Variants in BSPRY observed in about 807,000 individuals in gnomAD.
BSPRY encodes B box and SPRY domain-containing protein.
Under a neutral mutation model 38.0 loss-of-function variants are expected in BSPRY, and 33 were observed. The ratio of observed to expected loss-of-function variants is 0.87; its 90% CI spans 0.66 to 1.16. The LOEUF (loss-of-function observed/expected upper bound fraction) is 1.16, where lower values mean the gene tolerates loss of function less well. BSPRY is among the 50% of genes most tolerant of loss of function. BSPRY has a pLI of 0.00. For missense variants in BSPRY, 523 were observed against 533.2 expected, an observed-to-expected ratio of 0.98 and a Z score of 0.19; for synonymous variants, 224 against 228.5, an observed-to-expected ratio of 0.98 and a Z score of 0.18.
chr9:113,350,717 A>G (rs187888732), intron 1 of BSPRY, among the ~76,000 whole-genome samples: 2 of 152,190 alleles, frequency 1.3e-5, no homozygotes, highest in East Asian at 3.9e-4. Context: ...AACACATCTT[A>G]TATAGGGTGC....
At chr9:113,359,206 A>G (rs900909623) in intron 2 of BSPRY, among the ~76,000 whole-genome samples, 5 of 152,222 alleles carry the variant, frequency 3.3e-5, no homozygotes, top group African/African-American at 1.2e-4. Flanking sequence ...ACAGATTAGA[A>G]AATAGAGGCA....
rs1478958504 is a variant in BSPRY at position 113,360,530 on chromosome 9, A to T, written c.324A>T (p.Glu108Asp). Residue 108 changes from glutamate to aspartate, a missense_variant, in exon 3 of 6, where the codon GAA becomes GAT. By Grantham distance (45) the Glu-to-Asp change is conservative. Transcript: ENST00000374183. The stretch of plus-strand genomic sequence containing the variant: ...AGAGCATGGCCAGTGCAGCGAGGGA[A>T]CTGGTTATCCAGCGGTTGAGTCTGG... ...RAVSMASAAR[E>D]LVIQRLSLVR... is the part of the protein sequence containing the mutation. The T allele has an allele frequency of 6.2e-7, 1 of 1,602,416 alleles. No homozygotes were observed. Among genetic ancestry groups the T allele is most frequent in the East Asian group, 2.2e-5 (1 of 44,602 alleles).
At position 113,369,966 on chromosome 9, in the gene BSPRY, C is replaced by T. The variant is rs536087738; in HGVS notation, c.1033C>T (p.Leu345=). The T allele has an allele frequency of 1.1e-5, 17 of 1,614,154 alleles. No individual in the cohort carries two copies. In the African/African-American group the frequency reaches 2.1e-4, roughly 20 times the overall value. ...CTCACACAATGGGCAGCACGAGCCC[C>T]TGGGGCTGCTGCGGGGCCCAGCCCA... ...RFSHNGQHEP[L]GLLRGPAQLG... Residue 345 remains leucine, a synonymous_variant, in exon 6 of 6, where the codon CTG becomes TTG. Transcript: ENST00000374183.
chr9:113,360,294 G>A (rs565332435), intron 2 of BSPRY, among the ~76,000 whole-genome samples: 1 of 152,280 alleles, frequency 6.6e-6, no homozygotes, highest in Admixed American at 6.5e-5. Flanking sequence ...CTATGTGTCT[G>A]CATCTCAAAT....
At chr9:113,351,842 AC>A (rs1833977352) in intron 1 of BSPRY, among the ~76,000 whole-genome samples, 1 of 151,996 alleles carries the variant, frequency 6.6e-6, no homozygotes. Flanking sequence ...TCACTCTGTC[AC>A]CCAGGCTGGA....
chr9:113,361,015 T>C (rs1834144189), intron 3 of BSPRY, among the ~76,000 whole-genome samples: 2 of 152,150 alleles, frequency 1.3e-5, no homozygotes, highest in Admixed American at 1.3e-4. Context: ...ATCCTTGATA[T>C]CTGATCAGGT....
In BSPRY at chr9:113,357,429, C is replaced by T. The variant is rs1834077869; in HGVS notation, c.301-3078C>T. 2.0e-5 allele frequency among the ~76,000 whole-genome samples: 3 copies of T among 152,194 alleles called. No homozygotes were observed. In the South Asian group the frequency reaches 6.2e-4, roughly 32 times the overall value. ...ATTTGGATTGCTAATCTCAGTAAAGCATTTTTTATTTTTGTTTTAGGATTT... is the reference window on the plus strand; with the variant it reads ...ATTTGGATTGCTAATCTCAGTAAAGTATTTTTTATTTTTGTTTTAGGATTT... On this transcript the variant is annotated intron_variant, in intron 2 of 5. Transcript: ENST00000374183.
At chr9:113,361,782 C>G (rs1015959671) in intron 3 of BSPRY, among the ~76,000 whole-genome samples, 2 of 152,130 alleles carry the variant, frequency 1.3e-5, no homozygotes, top group African/African-American at 4.8e-5. Context: ...CACCATGATT[C>G]ATATTTGGTA....
At chr9:113,366,839 GAC>G (rs1166187212) in intron 4 of BSPRY, among the ~76,000 whole-genome samples, 1 of 152,222 alleles carries the variant, frequency 6.6e-6, no homozygotes, top group Non-Finnish European at 1.5e-5. Flanking sequence ...ACAGAACAGT[GAC>G]AGTCTTGCAA....
In BSPRY at chr9:113,349,603, GGGGCCGGGGTCCGGGTCCGGGCCC is replaced by G. The variant is rs1443434550; in HGVS notation, c.34_57del (p.Ser12_Gly19del). On this transcript the variant is annotated inframe_deletion, in exon 1 of 6. Coordinates refer to ENST00000374183, the MANE Select transcript of BSPRY (RefSeq NM_017688.3). ...CCATGTCCGCCGAGGGCGCGGAGCC[GGGGCCGGGGTCCGGGTCCGGGCCC>G]GGGCCGGGGCCACTCTGCCCCGAAC... is the stretch of plus-strand genomic sequence containing the variant. The G allele has an allele frequency of 4.8e-5, 57 of 1,187,242 alleles. No homozygotes were observed. The highest frequency in any genetic ancestry group is 9.6e-5 in the African/African-American group (6 of 62,258). The allele number at this position is 1,187,242 out of a possible 1,614,324, so 73.5% of individuals were successfully genotyped here.
intron 4 of BSPRY, among the ~76,000 whole-genome samples, chr9:113,364,108 C>T (rs568333429): frequency 1.3e-5 from 2 of 152,026 alleles, no homozygotes; most frequent in South Asian, 4.2e-4. Context: ...ATCACTTGAG[C>T]CCAGGAGGCG....
chr9:113,364,122 G>A lies in BSPRY; in HGVS notation c.557+1728G>A, dbSNP rs533814300. ...GATCACTTGAGCCCAGGAGGCGGAG[G>A]TTATAGTGAGCTGAGAGCCTGCCAC... On this transcript the variant is annotated intron_variant, in intron 4 of 5. Transcript: ENST00000374183. 5.3e-5 allele frequency among the ~76,000 whole-genome samples: 8 copies of A among 152,176 alleles called. No individual in the cohort carries two copies. The South Asian group carries it at 1.7e-3, about 32-fold the overall frequency.
intron 2 of BSPRY, among the ~76,000 whole-genome samples, chr9:113,357,368 T>A (rs1834077286): frequency 6.6e-6 from 1 of 152,248 alleles, no homozygotes; most frequent in African/African-American, 2.4e-5. Flanking sequence ...ATGTACCCTT[T>A]CCTATCCCCT....
chr9:113,360,553 T>C lies in BSPRY; in HGVS notation c.347T>C (p.Leu116Pro). The C allele has an allele frequency of 6.2e-7, 1 of 1,607,304 alleles. No individual in the cohort carries two copies. Among genetic ancestry groups the C allele is most frequent in the Non-Finnish European group, 8.5e-7 (1 of 1,178,290 alleles). ...GAACTGGTTATCCAGCGGTTGAGTC[T>C]GGTGAGGAGTCTTTGCGAGAGCGAG... is the stretch of plus-strand genomic sequence containing the variant. The part of the protein sequence containing the change: ...ARELVIQRLS[L>P]VRSLCESEEQ... The change falls in exon 3 of 6, where the codon CTG becomes CCG. Residue 116 changes from leucine (L) to proline (P), a missense_variant. Physicochemically the swap from Leu to Pro is moderately conservative, Grantham distance 98. Transcript: ENST00000374183.
At chr9:113,362,876 A>T (rs911624408) in intron 4 of BSPRY, among the ~76,000 whole-genome samples, 1 of 152,180 alleles carries the variant, frequency 6.6e-6, no homozygotes, top group Non-Finnish European at 1.5e-5. Context: ...CTCTTCAGTA[A>T]TAAAAGAATT....
At chr9:113,369,517 T>G in intron 5 of BSPRY, 99 bp from the exon 6 acceptor site, 1 of 1,275,476 alleles carries the variant, frequency 7.8e-7, no homozygotes, top group South Asian at 1.4e-5. Flanking sequence ...TTATATGAGG[T>G]CACCATGCTA....
intron 4 of BSPRY, among the ~76,000 whole-genome samples, chr9:113,363,876 CAAAAAAAAAAAAA>C (rs57026104): frequency 6.9e-4 from 26 of 37,568 alleles, no homozygotes; most frequent in Middle Eastern, 0.048. Flanking sequence ...GACTCCACCT[CAAAAAAAAAAAAA>C]AAAAAAAAAA....
At position 113,352,480 on chromosome 9, in the gene BSPRY, G is replaced by GACAC. The variant is rs139828518; in HGVS notation, c.202-1740_202-1737dup. Among the ~76,000 whole-genome samples the GACAC allele has an allele frequency of 1.4e-3, 203 of 149,884 alleles. 1 individual carries two copies. Among genetic ancestry groups the GACAC allele is most frequent in the African/African-American group, 3.7e-3 (151 of 40,698 alleles). ...ACATCTGAATGCAGTTGGGGAGTGA[G>GACAC]ACACACACACACACACACACACAGA... On this transcript the variant is annotated intron_variant, in intron 1 of 5. Coordinates refer to ENST00000374183, the MANE Select transcript of BSPRY (RefSeq NM_017688.3).
chr9:113,362,174 GGTGTGTGTGTGTGTGTGTGTGT>G (rs10600721), intron 3 of BSPRY, among the ~76,000 whole-genome samples, 173 bp from the exon 4 acceptor site: 1 of 141,248 alleles, frequency 7.1e-6, no homozygotes, highest in African/African-American at 2.7e-5. Context: ...ATGTGTTATG[GGTGTGTGTGTGTGTGTGTGTGT>G]GTGTGTGTGT....
Sources: gnomAD v4.1 joint callset for allele counts (sites outside exome capture counted in the v4.1 genomes callset) on GRCh38, gnomAD v4.1.1 for gene constraint, MANE v1.5 for transcripts, NCBI Gene and HGNC (gene_info 2026-07-23, HGNC 2026-07-21) for gene names.